The following MDN1 variants were observed in gnomAD, a reference collection of about 807,000 sequenced individuals.
MDN1 encodes the protein midasin AAA ATPase 1.
A neutral mutation model predicts 669.2 loss-of-function variants in MDN1; 266 were observed. That is an observed-to-expected ratio of 0.40 (90% CI 0.36 to 0.44). The LOEUF (loss-of-function observed/expected upper bound fraction) is 0.44, where lower values mean the gene tolerates loss of function less well. MDN1 is among the 20% of genes least tolerant of loss of function. MDN1 has a pLI of 1.00. For missense variants in MDN1, 5,940 were observed against 6,754.0 expected (o/e 0.88, Z 4.22); for synonymous variants, 2,385 against 2,457.1 (o/e 0.97, Z 0.87).
At chr6:89,728,020 C>A in intron 36 of MDN1, 65 bp from the exon 37 acceptor site, 1 of 1,519,352 alleles carries the variant, frequency 6.6e-7, no homozygotes, top group Non-Finnish European at 8.9e-7. Context: ...ATTCTAACAC[C>A]CTAAATCTGA....
chr6:89,776,593 C>A lies in MDN1; in HGVS notation c.1821+7G>T. The A allele has an allele frequency of 1.3e-6, 2 of 1,598,680 alleles. No homozygotes were observed. The highest frequency in any genetic ancestry group is 2.2e-5 in the East Asian group (1 of 44,790). ...TCAACAGGGAAGTAAAAAAACAGCACACATACCTTTTTTCTAGAAATGTTC... is the reference window on the plus strand; with the variant it reads ...TCAACAGGGAAGTAAAAAAACAGCAAACATACCTTTTTTCTAGAAATGTTC... On this transcript the variant is annotated splice_region_variant and intron_variant, in intron 12 of 101. Transcript: ENST00000369393.
At chr6:89,751,244 A>C (rs1031832367) in intron 23 of MDN1, 187 bp downstream of exon 23, 30 of 631,260 alleles carry the variant, frequency 4.8e-5, no homozygotes, top group Non-Finnish European at 4.4e-5. Flanking sequence ...TGCTCCCTCC[A>C]AAGTTGCACA....
Position 89,688,093 on chromosome 6 carries a change from A to C in MDN1, c.11340T>G (p.Leu3780=), listed in dbSNP as rs1562091217. 1.2e-6 allele frequency: 2 copies of C among 1,614,010 alleles called. No homozygotes were observed. The highest frequency in any genetic ancestry group is 1.7e-6 in the Non-Finnish European group (2 of 1,179,832). ...ATTAGCTCACCTGTGCCTTTGCCAG[A>C]AGGATCTCTAAGCCATTCAGGAACT... is the stretch of plus-strand genomic sequence containing the variant. The part of the protein sequence containing the change: ...ISKFLNGLEI[L]LAKAQDWEEN... Residue 3780 remains leucine, a synonymous_variant, in exon 67 of 102, where the codon CTT becomes CTG. Coordinates refer to ENST00000369393, the MANE Select transcript of MDN1 (RefSeq NM_014611.3).
intron 5 of MDN1, 34 bp from the exon 6 acceptor site, chr6:89,790,435 A>T: frequency 8.1e-6 from 13 of 1,612,480 alleles, no homozygotes; most frequent in Non-Finnish European, 1.1e-5. Context: ...TGTCAAGAAG[A>T]GTTCTTCCCC....
chr6:89,818,700 C>A (rs1769019290), intron 1 of MDN1, among the ~76,000 whole-genome samples: 1 of 151,616 alleles, frequency 6.6e-6, no homozygotes, highest in African/African-American at 2.4e-5. Context: ...ATCCCAGCTA[C>A]TGAGAGGGTG....
Position 89,788,763 on chromosome 6 carries a change from T to C in MDN1, c.1231-806A>G, listed in dbSNP as rs1819099748. ...ACGGCCAAAAAGGACACTATTCAGG[T>C]AACAAAGGCAAGAGAGATAGGTAGA... On this transcript the variant is annotated intron_variant, in intron 7 of 101. Transcript: ENST00000369393. Among the ~76,000 whole-genome samples the C allele has an allele frequency of 2.0e-5, 3 of 152,084 alleles. No individual in the cohort carries two copies. In the South Asian group the frequency reaches 6.2e-4, roughly 32 times the overall value.
At chr6:89,721,525 G>C (rs1419122526) in intron 40 of MDN1, among the ~76,000 whole-genome samples, 1 of 150,562 alleles carries the variant, frequency 6.6e-6, no homozygotes. Flanking sequence ...AAGAAGCAAA[G>C]AACTCAGAAT....
Position 89,710,766 on chromosome 6 carries a change from A to G in MDN1, c.7680T>C (p.Ser2560=). The G allele has an allele frequency of 6.2e-7, 1 of 1,604,140 alleles. No individual in the cohort carries two copies. Among genetic ancestry groups the G allele is most frequent in the Non-Finnish European group, 8.5e-7 (1 of 1,175,936 alleles). ...LESIQIHLEA[S]AASLRNFYSH... ...AGTAAAAATTCCTGAGAGATGCAGC[A>G]CTGGCTTCCAAATGAATTTGTATGG... The change falls in exon 50 of 102, where the codon AGT becomes AGC. Residue 2560 remains serine, a synonymous_variant. Transcript: ENST00000369393.
intron 82 of MDN1, among the ~76,000 whole-genome samples, chr6:89,671,778 C>T (rs9351211): frequency 6.6e-6 from 1 of 152,148 alleles, no homozygotes; most frequent in African/African-American, 2.4e-5. Context: ...CATACAATGT[C>T]CTGCAAAGTA....
chr6:89,747,233 G>A, intron 27 of MDN1, 96 bp downstream of exon 27: 2 of 1,383,338 alleles, frequency 1.4e-6, no homozygotes, highest in Non-Finnish European at 2.0e-6. Flanking sequence ...CTAGTCAAAT[G>A]TATGTATCAA....
rs182532504 is a variant in MDN1 at position 89,738,777 on chromosome 6, A to G, written c.4594-322T>C. On this transcript the variant is annotated intron_variant, in intron 32 of 101. Coordinates refer to ENST00000369393, the MANE Select transcript of MDN1 (RefSeq NM_014611.3). ...AGGCAAAGATTCTTCCTTTTACTTT[A>G]CCTTTACTTTGCATCAGGTACCTAA... Among the ~76,000 whole-genome samples the G allele has an allele frequency of 5.3e-5, 8 of 152,272 alleles. No individual in the cohort carries two copies. The East Asian group carries it at 1.4e-3, about 26-fold the overall frequency.
rs781261988 is a variant in MDN1, at chr6:89,683,126, A to C, written c.12102+6T>G. 6.2e-7 allele frequency: 1 copy of C among 1,613,830 alleles called. No individual in the cohort carries two copies. Among genetic ancestry groups the C allele is most frequent in the Non-Finnish European group, 8.5e-7 (1 of 1,179,956 alleles). On this transcript the variant is annotated splice_donor_region_variant and intron_variant, in intron 73 of 101. Coordinates refer to ENST00000369393, the MANE Select transcript of MDN1 (RefSeq NM_014611.3). The stretch of plus-strand genomic sequence containing the variant: ...AATAAGCCAGCACTGTCCCACAACC[A>C]AGTACCTGCCCAGCTGCTGGTTGGG...
intron 33 of MDN1, among the ~76,000 whole-genome samples, chr6:89,737,556 G>C (rs1186695311): frequency 6.6e-6 from 1 of 151,978 alleles, no homozygotes; most frequent in East Asian, 1.9e-4. Context: ...ATAGTTAGGA[G>C]TGTTGCCTTT....
Position 89,686,956 on chromosome 6 carries a change from A to T in MDN1, c.11518T>A (p.Ser3840Thr). The change falls in exon 69 of 102, where the codon TCC becomes ACC. Residue 3840 changes from serine to threonine, a missense_variant. Ser to Thr is a moderately conservative substitution (Grantham distance 58). Transcript: ENST00000369393. ...TGCTTCTCAAGCATCTGATAGATGG[A>T]GAACCAGTGCTTGGTGGATTTCTCG... ...HTEKSTKHWF[S>T]IYQMLEKHMQ... 6.2e-7 allele frequency: 1 copy of T among 1,613,802 alleles called. No individual in the cohort carries two copies. Among genetic ancestry groups the T allele is most frequent in the Admixed American group, 1.7e-5 (1 of 59,980 alleles).
Position 89,674,155 on chromosome 6 carries a change from G to C in MDN1, c.13196C>G (p.Ala4399Gly). 1 of 1,614,188 alleles carries C rather than the reference G, an allele frequency of 6.2e-7. No individual in the cohort carries two copies. The stretch of plus-strand genomic sequence containing the variant: ...CTGCTGTCTAATTTTGTCGACGTCA[G>C]CTTTCACTGTTTTAATGGTTTTTAG... ...EMLKTIKTVK[A>G]DVDKIRQQSC... is the part of the protein sequence containing the mutation. Residue 4399 changes from alanine to glycine, a missense_variant, in exon 79 of 102, where the codon GCT (alanine) becomes GGT (glycine). Transcript: ENST00000369393.
chr6:89,730,784 G>A lies in MDN1; in HGVS notation c.5082C>T (p.Ala1694=), dbSNP rs1815539649. The A allele has an allele frequency of 6.2e-7, 1 of 1,613,954 alleles. No homozygotes were observed. The highest frequency in any genetic ancestry group is 1.3e-5 in the African/African-American group (1 of 75,004). ...NELKIYDRMK[A]KEFTGIDNLW... is the part of the protein sequence containing the mutation. ...GGTTATCTATTCCAGTGAATTCTTT[G>A]GCCTTCATTCTGTCATAAATCTTCA... The change falls in exon 35 of 102, where the codon GCC becomes GCT. Residue 1694 remains alanine (A), a synonymous_variant. Coordinates refer to ENST00000369393, the MANE Select transcript of MDN1 (RefSeq NM_014611.3).
At chr6:89,688,533 C>T in intron 66 of MDN1, 40 bp downstream of exon 66, 1 of 1,574,906 alleles carries the variant, frequency 6.3e-7, no homozygotes, top group Non-Finnish European at 8.7e-7. Flanking sequence ...TCATTGCAGA[C>T]TCAGTACTGT....
rs1243142550 is a variant in MDN1 at position 89,666,262 on chromosome 6, CT to C, written c.14095-1635del. Among the ~76,000 whole-genome samples the C allele has an allele frequency of 7.9e-5, 12 of 152,186 alleles. No individual in the cohort carries two copies. In the South Asian group the frequency reaches 1.0e-3, roughly 13 times the overall value. On this transcript the variant is annotated intron_variant, in intron 84 of 101. Coordinates refer to ENST00000369393, the MANE Select transcript of MDN1 (RefSeq NM_014611.3). The stretch of plus-strand genomic sequence containing the variant: ...ATGCTTTACAGACTTATGCAATCTG[CT>C]TTTTTCATTTTTATTTTTCTGAAAC...
intron 1 of MDN1, 24 bp from the exon 2 acceptor site, chr6:89,803,578 CT>C: frequency 6.7e-7 from 1 of 1,497,482 alleles, no homozygotes; most frequent in Non-Finnish European, 9.2e-7. Context: ...AACAAAACAT[CT>C]TTCACTTTTT....
Sources: gnomAD v4.1 joint callset for allele counts (sites outside exome capture counted in the v4.1 genomes callset) on GRCh38, gnomAD v4.1.1 for gene constraint, MANE v1.5 for transcripts, NCBI Gene and HGNC (gene_info 2026-07-23, HGNC 2026-07-21) for gene names.